Variants in GUCY1A2 observed in about 807,000 individuals in gnomAD.
GUCY1A2 encodes guanylate cyclase soluble subunit alpha-2.
Under a neutral mutation model 63.5 loss-of-function variants are expected in GUCY1A2, and 27 were observed. The ratio of observed to expected loss-of-function variants is 0.43; its 90% confidence interval spans 0.31 to 0.59. The LOEUF (loss-of-function observed/expected upper bound fraction) is 0.59, where lower values mean the gene tolerates loss of function less well. Among genes scored for constraint, GUCY1A2 ranks in the 20% least tolerant of loss-of-function variants. The pLI is 0.11. For missense variants in GUCY1A2, 768 were observed against 913.3 expected, an observed-to-expected ratio of 0.84 and a Z score of 2.05; for synonymous variants, 364 against 343.5, an observed-to-expected ratio of 1.06 and a Z score of -0.66.
intron 4 of GUCY1A2, among the ~76,000 whole-genome samples, chr11:106,839,760 C>CA (rs1347454283): frequency 6.7e-6 from 1 of 148,356 alleles, no homozygotes; most frequent in African/African-American, 2.5e-5. Flanking sequence ...ATTGCAAGGA[C>CA]AAAAAACCAA....
chr11:106,844,362 G>T (rs1410861222), intron 4 of GUCY1A2, among the ~76,000 whole-genome samples: 2 of 151,806 alleles, frequency 1.3e-5, no homozygotes, highest in East Asian at 3.9e-4. Flanking sequence ...TATGAGTTCG[G>T]AATATGTGCA....
chr11:106,895,085 T>C (rs746408434), intron 4 of GUCY1A2, among the ~76,000 whole-genome samples: 2 of 151,918 alleles, frequency 1.3e-5, no homozygotes, highest in Non-Finnish European at 2.9e-5. Context: ...CTATGCATTC[T>C]CTGGACATTA....
At chr11:106,730,063 T>C (rs1273087639) in intron 6 of GUCY1A2, among the ~76,000 whole-genome samples, 2 of 32,110 alleles carry the variant, frequency 6.2e-5, no homozygotes, top group Non-Finnish European at 1.2e-4. Flanking sequence ...GCATGGAATA[T>C]ATATATATAT....
intron 1 of GUCY1A2, among the ~76,000 whole-genome samples, chr11:106,988,370 C>T (rs1861427940): frequency 6.6e-6 from 1 of 152,150 alleles, no homozygotes; most frequent in Non-Finnish European, 1.5e-5. Context: ...GAGGGATGAT[C>T]CTTCCAATAA....
intron 3 of GUCY1A2, among the ~76,000 whole-genome samples, chr11:106,952,652 G>T (rs1860925967): frequency 7.8e-6 from 1 of 127,894 alleles, no homozygotes; most frequent in South Asian, 2.4e-4. Flanking sequence ...AGATGATGAG[G>T]GTTTTTTTTT....
intron 4 of GUCY1A2, among the ~76,000 whole-genome samples, chr11:106,897,846 T>A (rs907006810): frequency 2.6e-5 from 4 of 152,070 alleles, no homozygotes; most frequent in African/African-American, 7.2e-5. Flanking sequence ...TTTAAAAAAA[T>A]TGATGAACTT....
intron 7 of GUCY1A2, among the ~76,000 whole-genome samples, chr11:106,707,083 T>A (rs73547939): frequency 0.015 from 2,259 of 152,242 alleles, 55 homozygotes; most frequent in African/African-American, 0.051. Context: ...TTAAAATTAG[T>A]AAGAGGTGTG....
intron 4 of GUCY1A2, among the ~76,000 whole-genome samples, chr11:106,894,232 T>C (rs767021859): frequency 4.6e-5 from 7 of 152,006 alleles, no homozygotes; most frequent in Non-Finnish European, 8.8e-5. Flanking sequence ...GATAAAGGGG[T>C]CAATTTTCCA....
chr11:106,999,207 A>G (rs1861581505), intron 1 of GUCY1A2, among the ~76,000 whole-genome samples: 1 of 152,184 alleles, frequency 6.6e-6, no homozygotes, highest in South Asian at 2.1e-4. Flanking sequence ...TTTATCTGGG[A>G]GAGTCTTACA....
At chr11:106,977,011 GCA>G (rs758511500) in intron 3 of GUCY1A2, among the ~76,000 whole-genome samples, 1 of 152,054 alleles carries the variant, frequency 6.6e-6, no homozygotes, top group Non-Finnish European at 1.5e-5. Context: ...ACTGCCTTTA[GCA>G]CCCCAATATA....
At chr11:106,855,451 G>T (rs545969136) in intron 4 of GUCY1A2, among the ~76,000 whole-genome samples, 1 of 151,290 alleles carries the variant, frequency 6.6e-6, no homozygotes, top group African/African-American at 2.4e-5. Flanking sequence ...TATTCAATGT[G>T]TGGTTATCCT....
intron 7 of GUCY1A2, 116 bp from the exon 8 acceptor site, chr11:106,687,872 T>C: frequency 1.5e-6 from 1 of 673,250 alleles, no homozygotes; most frequent in East Asian, 2.6e-5. Context: ...AATACCTCTA[T>C]TTCTTTGTAT....
At chr11:106,830,639 G>C (rs1202129765) in intron 4 of GUCY1A2, among the ~76,000 whole-genome samples, 11 of 152,224 alleles carry the variant, frequency 7.2e-5, no homozygotes, top group Admixed American at 7.2e-4. Context: ...CAGACTCCAA[G>C]TTCTTCAGCT....
chr11:106,906,365 C>A (rs6588936), intron 4 of GUCY1A2, among the ~76,000 whole-genome samples: 142,858 of 152,282 alleles, frequency 0.94, 67,140 homozygotes, highest in East Asian at 1. Context: ...GTCATTAGAG[C>A]AATGCAAATC....
intron 4 of GUCY1A2, among the ~76,000 whole-genome samples, chr11:106,865,347 T>C (rs1006234374): frequency 6.6e-5 from 10 of 152,110 alleles, no homozygotes; most frequent in African/African-American, 1.7e-4. Context: ...CCTGGATTCA[T>C]TGATTTTTTG....
rs1862424481 is a variant in GUCY1A2 at position 106,681,089 on chromosome 11, A to AT, written c.*6459dup. The AT allele has an allele frequency of 4.8e-6, 1 of 209,062 alleles. No individual in the cohort carries two copies. Among genetic ancestry groups the AT allele is most frequent in the African/African-American group, 2.3e-5 (1 of 43,986 alleles). The allele number at this position is 209,062 out of a possible 1,614,324, so 13.0% of individuals were successfully genotyped here. A position where few individuals can be genotyped will look rare whatever the true frequency, so the allele number is the denominator to read the frequency against. ...GTATTTTAAGTAGACTAAAAACATG[A>AT]TTTTTTCATTTCGAAATCTGAAAGC... On this transcript the variant is annotated 3_prime_UTR_variant, in exon 8 of 8. Transcript: ENST00000526355.
chr11:106,903,500 G>C (rs1409880109), intron 4 of GUCY1A2, among the ~76,000 whole-genome samples: 9 of 152,148 alleles, frequency 5.9e-5, no homozygotes, highest in African/African-American at 2.2e-4. Flanking sequence ...TCTTTGGTCA[G>C]GGTCCACTTT....
At chr11:106,905,578 T>C (rs925893673) in intron 4 of GUCY1A2, among the ~76,000 whole-genome samples, 4 of 152,016 alleles carry the variant, frequency 2.6e-5, no homozygotes, top group Admixed American at 1.3e-4. Flanking sequence ...ACTTAGAGAA[T>C]TGGGATCAAG....
At chr11:106,920,286 G>T (rs1860425453) in intron 4 of GUCY1A2, among the ~76,000 whole-genome samples, 1 of 151,934 alleles carries the variant, frequency 6.6e-6, no homozygotes, top group South Asian at 2.1e-4. Flanking sequence ...GTATAAAATT[G>T]GGAATATTTT....
Sources: allele counts gnomAD v4.1 joint callset (sites outside exome capture counted in the v4.1 genomes callset), GRCh38; gene constraint gnomAD v4.1.1; transcripts MANE v1.5; gene names NCBI Gene and HGNC (gene_info 2026-07-23, HGNC 2026-07-21).